Variants in C4orf46 observed in about 807,000 individuals in gnomAD.
C4orf46 encodes chromosome 4 open reading frame 46, also known as renal cancer differentiation gene 1 protein.
Under a neutral mutation model 9.1 loss-of-function variants are expected in C4orf46, and 8 were observed. That is an observed-to-expected ratio of 0.88 (90% CI 0.52 to 1.59). The LOEUF (loss-of-function observed/expected upper bound fraction) is 1.59, where lower values mean the gene tolerates loss of function less well. Ranked by LOEUF, C4orf46 falls within the 40% of genes most tolerant of loss-of-function variation. C4orf46 has a pLI of 0.00. For synonymous variants in C4orf46, 51 were observed against 58.8 expected, an observed-to-expected ratio of 0.87 and a Z score of 0.61; for missense variants, 151 against 139.1, an observed-to-expected ratio of 1.09 and a Z score of -0.43.
rs1773417578 is a variant in C4orf46 at position 158,667,729 on chromosome 4, TGGCCTCAGAAATCA to T, written c.*1870_*1883del. The T allele has an allele frequency of 6.6e-6, 1 of 150,600 alleles. No homozygotes were observed. Among genetic ancestry groups the T allele is most frequent in the Non-Finnish European group, 1.5e-5 (1 of 67,786 alleles). The allele number at this position is 150,600 out of a possible 1,614,324, so 9.3% of individuals were successfully genotyped here. A position where few individuals can be genotyped will look rare whatever the true frequency, so the allele number is the denominator to read the frequency against. ...AAAAAAAAAAAAAGAGTAAAAGATATGGCCTCAGAAATCACACACTGCATTTGCTCAATATCCTG... is the reference window on the plus strand; with the variant it reads ...AAAAAAAAAAAAAGAGTAAAAGATATCACACTGCATTTGCTCAATATCCTG... On this transcript the variant is annotated 3_prime_UTR_variant, in exon 2 of 2. Transcript: ENST00000379205.
chr4:158,667,700 C>CT lies in C4orf46; in HGVS notation c.*1912dup, dbSNP rs1241578625. Reference sequence around the variant, plus strand: ...TGAGCAATAGAGTGAGATCTTGTCTCTTAAAAAAAAAAAAAAGAGTAAAAG... The same window carrying CT: ...TGAGCAATAGAGTGAGATCTTGTCTCTTTAAAAAAAAAAAAAAGAGTAAAAG... On this transcript the variant is annotated 3_prime_UTR_variant, in exon 2 of 2. Transcript: ENST00000379205. The CT allele has an allele frequency of 2.0e-5, 3 of 148,730 alleles. No homozygotes were observed. The highest frequency in any genetic ancestry group is 6.7e-5 in the Admixed American group (1 of 14,858). The allele number at this position is 148,730 out of a possible 1,614,324, so 9.2% of individuals were successfully genotyped here.
Position 158,669,575 on chromosome 4 carries a change from A to G in C4orf46, c.*38T>C, listed in dbSNP as rs368797561. On this transcript the variant is annotated 3_prime_UTR_variant, in exon 2 of 2. Transcript: ENST00000379205. Reference sequence around the variant, plus strand: ...ACAAAATATGACATAAGAAGTATGAATTATTGCAGTCATTATTAAACAACG... The same window carrying G: ...ACAAAATATGACATAAGAAGTATGAGTTATTGCAGTCATTATTAAACAACG... The G allele has an allele frequency of 1.9e-6, 3 of 1,598,440 alleles. No individual in the cohort carries two copies. The highest frequency in any genetic ancestry group is 2.7e-5 in the African/African-American group (2 of 74,542).
rs978719511 is a variant in C4orf46 at position 158,666,677 on chromosome 4, A to G, written c.*2936T>C. The G allele has an allele frequency of 6.6e-6, 1 of 152,264 alleles. No homozygotes were observed. The highest frequency in any genetic ancestry group is 1.9e-4 in the East Asian group (1 of 5,206). 9.4% of individuals were successfully genotyped at this position (152,264 alleles called of 1,614,324 possible). ...AGATCCCTATAACAAAAGACAGATT[A>G]ACAAGAGAAAAACAAGTAATTTTAT... On this transcript the variant is annotated 3_prime_UTR_variant, in exon 2 of 2. Coordinates refer to ENST00000379205, the MANE Select transcript of C4orf46 (RefSeq NM_001008393.4).
intron 1 of C4orf46, among the ~76,000 whole-genome samples, chr4:158,670,406 T>C (rs1773499638): frequency 2.0e-5 from 3 of 152,160 alleles, no homozygotes; most frequent in East Asian, 1.9e-4. Context: ...GCGCCAGATA[T>C]ATCTGAGAGA....
At position 158,668,528 on chromosome 4, in the gene C4orf46, AG is replaced by A. The variant is rs1402886456; in HGVS notation, c.*1084del. The A allele has an allele frequency of 6.6e-5, 10 of 152,376 alleles. No homozygotes were observed. Among genetic ancestry groups the A allele is most frequent in the Non-Finnish European group, 8.8e-5 (6 of 68,038 alleles). 9.4% of individuals were successfully genotyped at this position (152,376 alleles called of 1,614,324 possible). Reference sequence around the variant, plus strand: ...AATGTCCAGAAGTTATATATGGTAGAGAATTAGTTGGCTTAATCGTTGACAC... The same window carrying A: ...AATGTCCAGAAGTTATATATGGTAGAAATTAGTTGGCTTAATCGTTGACAC... On this transcript the variant is annotated 3_prime_UTR_variant, in exon 2 of 2. Transcript: ENST00000379205.
intron 1 of C4orf46, among the ~76,000 whole-genome samples, chr4:158,671,257 G>A (rs776162131): frequency 3.5e-4 from 54 of 152,250 alleles, no homozygotes; most frequent in Non-Finnish European, 7.5e-4. Flanking sequence ...ATTCTCCGAT[G>A]GGAAAGGAGG....
intron 1 of C4orf46, among the ~76,000 whole-genome samples, chr4:158,670,008 C>T (rs1185556317): frequency 2.5e-5 from 2 of 79,852 alleles, no homozygotes; most frequent in Non-Finnish European, 5.4e-5. Flanking sequence ...TATGACAAAT[C>T]AGTATAGTTG....
At chr4:158,670,720 C>G (rs980645683) in intron 1 of C4orf46, among the ~76,000 whole-genome samples, 4 of 152,194 alleles carry the variant, frequency 2.6e-5, no homozygotes, top group African/African-American at 7.2e-5. Context: ...GTTAAGCACT[C>G]TAGTCATCCT....
Position 158,671,713 on chromosome 4 carries a change from G to A in C4orf46, c.89C>T (p.Ser30Phe), listed in dbSNP as rs1203194299. 2 of 1,606,936 alleles carry A rather than the reference G, an allele frequency of 1.2e-6. No homozygotes were observed. Among genetic ancestry groups the A allele is most frequent in the Non-Finnish European group, 1.7e-6 (2 of 1,177,002 alleles). Reference sequence around the variant, plus strand: ...GCCCAAACTCACTGGGCCGCCCGGGGAAGATGCTGCAGAGGCGTCTGAAGA... The same window carrying A: ...GCCCAAACTCACTGGGCCGCCCGGGAAAGATGCTGCAGAGGCGTCTGAAGA... Reference protein sequence around the residue: ...PSSSDASAASSPGGPVSLGWP... With the variant: ...PSSSDASAASFPGGPVSLGWP... Residue 30 changes from serine (S) to phenylalanine (F), a missense_variant, in exon 1 of 2, where the codon TCC becomes TTC. Ser to Phe is a radical substitution (Grantham distance 155). Coordinates refer to ENST00000379205, the MANE Select transcript of C4orf46 (RefSeq NM_001008393.4).
chr4:158,669,881 A>G, intron 1 of C4orf46, 113 bp from the exon 2 acceptor site: 1 of 871,654 alleles, frequency 1.1e-6, no homozygotes. Context: ...TTTTCTTTCA[A>G]AGTAATCAGT....
At position 158,671,831 on chromosome 4, in the gene C4orf46, C is replaced by A; in HGVS notation, c.-30G>T. 1 of 1,448,274 alleles carries A rather than the reference C, an allele frequency of 6.9e-7. No homozygotes were observed. The highest frequency in any genetic ancestry group is 9.2e-7 in the Non-Finnish European group (1 of 1,091,728). The allele number at this position is 1,448,274 out of a possible 1,614,324, so 89.7% of individuals were successfully genotyped here. Reference sequence around the variant, plus strand: ...AAGGGTTGGGACCGCGGAATCCGACCCGAGAAGCCGAACCGACACCAACTG... The same window carrying A: ...AAGGGTTGGGACCGCGGAATCCGACACGAGAAGCCGAACCGACACCAACTG... On this transcript the variant is annotated 5_prime_UTR_variant, in exon 1 of 2. Coordinates refer to ENST00000379205, the MANE Select transcript of C4orf46 (RefSeq NM_001008393.4).
chr4:158,671,880 G>T lies in C4orf46; in HGVS notation c.-79C>A. The T allele has an allele frequency of 8.2e-7, 1 of 1,212,750 alleles. No individual in the cohort carries two copies. Among genetic ancestry groups the T allele is most frequent in the Non-Finnish European group, 1.1e-6 (1 of 897,400 alleles). The allele number at this position is 1,212,750 out of a possible 1,614,324, so 75.1% of individuals were successfully genotyped here. A position where few individuals can be genotyped will look rare whatever the true frequency, so the allele number is the denominator to read the frequency against. On this transcript the variant is annotated 5_prime_UTR_variant, in exon 1 of 2. Coordinates refer to ENST00000379205, the MANE Select transcript of C4orf46 (RefSeq NM_001008393.4). The stretch of plus-strand genomic sequence containing the variant: ...TGTCTTTTAACCACTCGCGCCCAAA[G>T]CCGAAAGGCCCCGCCTCCTAACGCC...
At position 158,666,714 on chromosome 4, in the gene C4orf46, A is replaced by G. The variant is rs1283353302; in HGVS notation, c.*2899T>C. The G allele has an allele frequency of 1.3e-5, 2 of 152,218 alleles. No homozygotes were observed. Among genetic ancestry groups the G allele is most frequent in the African/African-American group, 4.8e-5 (2 of 41,448 alleles). The allele number at this position is 152,218 out of a possible 1,614,324, so 9.4% of individuals were successfully genotyped here. A position where few individuals can be genotyped will look rare whatever the true frequency, so the allele number is the denominator to read the frequency against. ...ACAAGTAATTTTATTAATATATGCA[A>G]CGTACATCACACAGGAGAAAACTCA... On this transcript the variant is annotated 3_prime_UTR_variant, in exon 2 of 2. Coordinates refer to ENST00000379205, the MANE Select transcript of C4orf46 (RefSeq NM_001008393.4).
rs1773410632 is a variant in C4orf46 at position 158,667,536 on chromosome 4, A to C, written c.*2077T>G. The stretch of plus-strand genomic sequence containing the variant: ...AAATATGTAATATCTAAAAACTGAC[A>C]AGTAAAAAAAACAACATAGAAAAAT... On this transcript the variant is annotated 3_prime_UTR_variant, in exon 2 of 2. Coordinates refer to ENST00000379205, the MANE Select transcript of C4orf46 (RefSeq NM_001008393.4). 6.6e-6 allele frequency: 1 copy of C among 152,172 alleles called. No individual in the cohort carries two copies. Among genetic ancestry groups the C allele is most frequent in the African/African-American group, 2.4e-5 (1 of 41,444 alleles). The allele number at this position is 152,172 out of a possible 1,614,324, so 9.4% of individuals were successfully genotyped here.
At chr4:158,670,145 T>A (rs924619197) in intron 1 of C4orf46, among the ~76,000 whole-genome samples, 5 of 151,168 alleles carry the variant, frequency 3.3e-5, no homozygotes, top group African/African-American at 9.7e-5. Flanking sequence ...TGCCTCAGCC[T>A]CCTTAGTAGC....
chr4:158,671,979 T>C, upstream of C4orf46: 1 of 567,466 alleles, frequency 1.8e-6, no homozygotes, highest in Non-Finnish European at 3.1e-6. Flanking sequence ...GGACAGCCAA[T>C]CATATGAGTC....
At position 158,667,604 on chromosome 4, in the gene C4orf46, G is replaced by A. The variant is rs890409802; in HGVS notation, c.*2009C>T. The A allele has an allele frequency of 3.9e-5, 6 of 151,968 alleles. No homozygotes were observed. The highest frequency in any genetic ancestry group is 2.1e-4 in the South Asian group (1 of 4,808). The allele number at this position is 151,968 out of a possible 1,614,324, so 9.4% of individuals were successfully genotyped here. A position where few individuals can be genotyped will look rare whatever the true frequency, so the allele number is the denominator to read the frequency against. ...ATCCCAGTGCTTTATAGGAGGAGGC[G>A]AGATGGGAGGATTGTTTGAGTCCAA... On this transcript the variant is annotated 3_prime_UTR_variant, in exon 2 of 2. Coordinates refer to ENST00000379205, the MANE Select transcript of C4orf46 (RefSeq NM_001008393.4).
Position 158,671,810 on chromosome 4 carries a change from G to A in C4orf46, c.-9C>T, listed in dbSNP as rs993478281. 5.3e-6 allele frequency: 8 copies of A among 1,503,930 alleles called. No homozygotes were observed. Among genetic ancestry groups the A allele is most frequent in the Non-Finnish European group, 7.1e-6 (8 of 1,122,750 alleles). The allele number at this position is 1,503,930 out of a possible 1,614,324, so 93.2% of individuals were successfully genotyped here. A position where few individuals can be genotyped will look rare whatever the true frequency, so the allele number is the denominator to read the frequency against. On this transcript the variant is annotated 5_prime_UTR_variant, in exon 1 of 2. Transcript: ENST00000379205. ...TCCTCAGGGTCGGCCATGGGGAAGG[G>A]TTGGGACCGCGGAATCCGACCCGAG...
intron 1 of C4orf46, 27 bp downstream of exon 1, chr4:158,671,589 G>C (rs1027843440): frequency 2.9e-5 from 42 of 1,458,414 alleles, no homozygotes; most frequent in Non-Finnish European, 3.4e-5. Context: ...GCGCCGAGGG[G>C]GGACGCGGTC....
Sources: gnomAD v4.1 joint callset for allele counts (sites outside exome capture counted in the v4.1 genomes callset) on GRCh38, gnomAD v4.1.1 for gene constraint, MANE v1.5 for transcripts, NCBI Gene and HGNC (gene_info 2026-07-23, HGNC 2026-07-21) for gene names.